Variants in ETV7 observed in about 807,000 individuals in gnomAD.
ETV7 encodes transcription factor ETV7.
A neutral mutation model predicts 39.1 loss-of-function variants in ETV7; 43 were observed. The observed-to-expected ratio is 1.10, with a 90% CI of 0.86 to 1.42. The LOEUF (loss-of-function observed/expected upper bound fraction) is 1.42. Among genes scored for constraint, ETV7 ranks in the 40% most tolerant of loss-of-function variants. The pLI, the probability that ETV7 is intolerant of heterozygous loss-of-function variation, is 0.00. For synonymous variants in ETV7, 196 were observed against 176.6 expected, an observed-to-expected ratio of 1.11 and a Z score of -0.87; for missense variants, 432 against 442.3, an observed-to-expected ratio of 0.98 and a Z score of 0.21.
rs1463722706 is a variant in ETV7, at chr6:36,371,500, G to T, written c.494C>A (p.Pro165Gln). Reference sequence around the variant, plus strand: ...GTGGCCGAAGTTGCTGGTAAGCCCTGGGTCTGGTGGCTGCAGCAGGTGGCC... The same window carrying T: ...GTGGCCGAAGTTGCTGGTAAGCCCTTGGTCTGGTGGCTGCAGCAGGTGGCC... The part of the protein sequence containing the change: ...RRGHLLQPPD[P>Q]GLTSNFGHLD... The change falls in exon 5 of 8, where the codon CCA becomes CAA. Residue 165 changes from proline (P) to glutamine (Q), a missense_variant. Coordinates refer to ENST00000340181, the MANE Select transcript of ETV7 (RefSeq NM_016135.4). The T allele has an allele frequency of 1.2e-6, 2 of 1,606,414 alleles. No individual in the cohort carries two copies. The highest frequency in any genetic ancestry group is 2.7e-5 in the African/African-American group (2 of 74,880).
chr6:36,367,988 C>G (rs1772814681), intron 6 of ETV7, among the ~76,000 whole-genome samples: 1 of 152,170 alleles, frequency 6.6e-6, no homozygotes, highest in South Asian at 2.1e-4. Context: ...CCTCCCTGTT[C>G]TATATGAGGA....
intron 7 of ETV7, among the ~76,000 whole-genome samples, chr6:36,356,508 C>A (rs369210452): frequency 6.6e-6 from 1 of 152,190 alleles, no homozygotes; most frequent in East Asian, 1.9e-4. Flanking sequence ...CACCTTTCTG[C>A]CCCTCTGGTG....
At chr6:36,368,893 G>C in intron 6 of ETV7, 36 bp downstream of exon 6, 2 of 1,613,950 alleles carry the variant, frequency 1.2e-6, no homozygotes, top group Middle Eastern at 3.3e-4. Flanking sequence ...GTCCCCTTCT[G>C]GTTATGTTGA....
chr6:36,362,621 A>G (rs936363229), downstream of ETV7, among the ~76,000 whole-genome samples: 1 of 152,208 alleles, frequency 6.6e-6, no homozygotes, highest in African/African-American at 2.4e-5. Flanking sequence ...GCAGGCCTAA[A>G]TGAACCCCCT....
chr6:36,378,150 G>A (rs750165486), intron 2 of ETV7, among the ~76,000 whole-genome samples: 4 of 151,588 alleles, frequency 2.6e-5, no homozygotes, highest in Non-Finnish European at 4.4e-5. Flanking sequence ...GCACACACGC[G>A]TGCCTATGTG....
intron 2 of ETV7, among the ~76,000 whole-genome samples, chr6:36,380,284 A>T (rs529791891): frequency 9.3e-4 from 142 of 152,268 alleles, no homozygotes; most frequent in Admixed American, 1.6e-3. Flanking sequence ...CTTCACCTGC[A>T]GATCAGCCCC....
downstream of ETV7, among the ~76,000 whole-genome samples, chr6:36,364,659 C>A (rs1307544735): frequency 6.6e-6 from 1 of 152,238 alleles, no homozygotes; most frequent in Non-Finnish European, 1.5e-5. Context: ...TGGCCTTGGC[C>A]AGCCCAGAAA....
At chr6:36,385,392 G>C (rs6901513) in intron 2 of ETV7, 142 bp downstream of exon 2, 1 of 965,860 alleles carries the variant, frequency 1.0e-6, no homozygotes. Context: ...CTTGAACCCA[G>C]GAGCTGGAAG....
intron 3 of ETV7, among the ~76,000 whole-genome samples, chr6:36,374,704 ATCCAAGCTCTTAGAGAGACGAAAGT>A (rs1486663529): frequency 6.6e-6 from 1 of 152,160 alleles, no homozygotes; most frequent in Non-Finnish European, 1.5e-5. Context: ...GAGCTCTTGA[ATCCAAGCTCTTAGAGAGACGAAAGT>A]TCCAGCAGCT....
At chr6:36,382,280 T>A (rs1475436523) in intron 2 of ETV7, among the ~76,000 whole-genome samples, 1 of 152,204 alleles carries the variant, frequency 6.6e-6, no homozygotes, top group East Asian at 1.9e-4. Flanking sequence ...TGCGCTCTGA[T>A]GTGTTGTTCT....
intron 3 of ETV7, 174 bp downstream of exon 3, chr6:36,375,697 A>G: frequency 1.9e-6 from 2 of 1,026,126 alleles, no homozygotes; most frequent in Non-Finnish European, 2.9e-6. Context: ...GGCCTGCTCT[A>G]GCTAGGAACC....
In ETV7 at chr6:36,387,599, G is replaced by A. The variant is rs1178202198; in HGVS notation, c.-58C>T. The A allele has an allele frequency of 1.4e-5, 22 of 1,605,512 alleles. No homozygotes were observed. Among genetic ancestry groups the A allele is most frequent in the Non-Finnish European group, 1.7e-5 (20 of 1,174,368 alleles). On this transcript the variant is annotated 5_prime_UTR_variant, in exon 1 of 8. Transcript: ENST00000340181. ...TGTCTTGAGCGCTCCCCTGGCTGTG[G>A]CTGCTGGGGCCCTAGGCCCGCGCCC... is the stretch of plus-strand genomic sequence containing the variant.
At chr6:36,361,056 C>T (rs1772475165) in intron 7 of ETV7, among the ~76,000 whole-genome samples, 2 of 152,192 alleles carry the variant, frequency 1.3e-5, no homozygotes, top group Admixed American at 1.3e-4. Flanking sequence ...TGTTTACTCA[C>T]CATCACTCCC....
Position 36,355,568 on chromosome 6 carries a change from C to T in ETV7, c.909-881G>A, listed in dbSNP as rs139539003. ...CTGGGATTACAGGCATGCGCCATTGCGCCTGGCTAACTTTTGTATTTTTTG... is the reference window on the plus strand; with the variant it reads ...CTGGGATTACAGGCATGCGCCATTGTGCCTGGCTAACTTTTGTATTTTTTG... On this transcript the variant is annotated intron_variant, in intron 7 of 7. Transcript: ENST00000339796. Among the ~76,000 whole-genome samples the T allele has an allele frequency of 1.4e-4, 21 of 152,268 alleles. No individual in the cohort carries two copies. The East Asian group carries it at 3.5e-3, about 25-fold the overall frequency.
At chr6:36,358,246 T>C (rs1248757032) in intron 7 of ETV7, among the ~76,000 whole-genome samples, 2 of 152,208 alleles carry the variant, frequency 1.3e-5, no homozygotes, top group Non-Finnish European at 2.9e-5. Context: ...GTGAATTAAT[T>C]TGCATTGTCA....
chr6:36,357,891 AAAAC>A (rs557369389), intron 7 of ETV7, among the ~76,000 whole-genome samples: 258 of 152,036 alleles, frequency 1.7e-3, no homozygotes, highest in Non-Finnish European at 5.9e-4. Context: ...AACAAAAACA[AAAAC>A]AAACAAAAAA....
intron 2 of ETV7, among the ~76,000 whole-genome samples, chr6:36,376,494 C>G (rs533661945): frequency 2.2e-3 from 330 of 152,284 alleles, no homozygotes; most frequent in African/African-American, 7.4e-3. Context: ...AGGGGTGTTA[C>G]TGGCCAGGCG....
At chr6:36,362,258 C>T (rs183781815), downstream of ETV7, among the ~76,000 whole-genome samples, 73 of 151,812 alleles carry the variant, frequency 4.8e-4, no homozygotes, top group African/African-American at 1.4e-3. Context: ...GCCGAGATCG[C>T]GCCACTGCAG....
At chr6:36,378,852 G>T (rs1167380027) in intron 2 of ETV7, among the ~76,000 whole-genome samples, 2 of 152,212 alleles carry the variant, frequency 1.3e-5, no homozygotes, top group Non-Finnish European at 2.9e-5. Flanking sequence ...CAGCAAAATT[G>T]CTGCCAGGTG....
Sources: gnomAD v4.1 joint callset for allele counts (sites outside exome capture counted in the v4.1 genomes callset) on GRCh38, gnomAD v4.1.1 for gene constraint, MANE v1.5 for transcripts, NCBI Gene and HGNC (gene_info 2026-07-23, HGNC 2026-07-21) for gene names.